Variants in OSGEPL1 observed in about 807,000 individuals in gnomAD.
The protein encoded by OSGEPL1 is tRNA N6-adenosine threonylcarbamoyltransferase, mitochondrial.
OSGEPL1 carries 26 observed loss-of-function variants against 37.2 expected under a neutral mutation model. The observed-to-expected ratio is 0.70, with a 90% CI of 0.51 to 0.97. The LOEUF (loss-of-function observed/expected upper bound fraction) is 0.97. OSGEPL1 is among the 50% of genes least tolerant of loss of function. The pLI, the probability that OSGEPL1 is intolerant of heterozygous loss-of-function variation, is 0.00. For synonymous variants in OSGEPL1, 140 were observed against 159.9 expected (o/e 0.88, Z 0.94); for missense variants, 404 against 487.0 (o/e 0.83, Z 1.60).
At chr2:189,759,721 A>G (rs1011813465) in intron 2 of OSGEPL1, among the ~76,000 whole-genome samples, 2 of 151,878 alleles carry the variant, frequency 1.3e-5, no homozygotes, top group African/African-American at 2.4e-5. Context: ...TTAAAGGTAT[A>G]CTCATCTGTA....
intron 7 of OSGEPL1, 68 bp downstream of exon 7, chr2:189,752,584 TA>T: frequency 6.5e-7 from 1 of 1,526,956 alleles, no homozygotes; most frequent in Non-Finnish European, 9.0e-7. Context: ...ACCTCATATA[TA>T]AAGGCAAAAT....
chr2:189,762,413 A>T, intron 1 of OSGEPL1: 1 of 202,516 alleles, frequency 4.9e-6, no homozygotes, highest in Non-Finnish European at 8.8e-6. Context: ...CAGGGATTAG[A>T]GATGAGCGAC....
intron 2 of OSGEPL1, among the ~76,000 whole-genome samples, chr2:189,759,165 G>C (rs1278903907): frequency 1.3e-5 from 2 of 151,920 alleles, no homozygotes; most frequent in African/African-American, 4.8e-5. Context: ...CTTTCACATA[G>C]TTATTGTTTG....
In OSGEPL1 at chr2:189,746,789, G is replaced by C. The variant is rs2044221364; in HGVS notation, c.*408C>G. 4 of 787,684 alleles carry C rather than the reference G, an allele frequency of 5.1e-6. No homozygotes were observed. The Admixed American group carries it at 1.5e-4, about 29-fold the overall frequency. 48.8% of individuals were successfully genotyped at this position (787,684 alleles called of 1,614,324 possible). On this transcript the variant is annotated 3_prime_UTR_variant, in exon 9 of 9. Coordinates refer to ENST00000264151, the MANE Select transcript of OSGEPL1 (RefSeq NM_022353.3). ...TCCTTAGCATGTCTACAGGAATTTA[G>C]TGTCAGGTCAGAGTTATGGTTTCAA...
chr2:189,758,196 A>G (rs191944740), intron 2 of OSGEPL1, among the ~76,000 whole-genome samples: 12 of 152,290 alleles, frequency 7.9e-5, no homozygotes, highest in Non-Finnish European at 1.8e-4. Context: ...AGCCTGACCA[A>G]CATGGAGAAA....
intron 7 of OSGEPL1, among the ~76,000 whole-genome samples, chr2:189,750,906 G>A: frequency 6.6e-6 from 1 of 152,166 alleles, no homozygotes; most frequent in Non-Finnish European, 1.5e-5. Context: ...CTCAAATACT[G>A]TAAATAAGTT....
chr2:189,760,645 G>C (rs1297589773), intron 2 of OSGEPL1, among the ~76,000 whole-genome samples: 1 of 151,968 alleles, frequency 6.6e-6, no homozygotes, highest in African/African-American at 2.4e-5. Context: ...CAAAAAATCA[G>C]CTGGGCGTGG....
At chr2:189,749,017 C>T (rs1216553221) in intron 8 of OSGEPL1, among the ~76,000 whole-genome samples, 1 of 151,864 alleles carries the variant, frequency 6.6e-6, no homozygotes, top group Non-Finnish European at 1.5e-5. Flanking sequence ...GAGGCCAAGG[C>T]GGGTGGATCA....
chr2:189,748,996 C>T (rs2044623319), intron 8 of OSGEPL1, among the ~76,000 whole-genome samples: 1 of 152,046 alleles, frequency 6.6e-6, no homozygotes, highest in Admixed American at 6.6e-5. Context: ...CCTGTAATCC[C>T]AGCACTTTGG....
intron 1 of OSGEPL1, 87 bp from the exon 2 acceptor site, chr2:189,761,747 G>GA: frequency 7.3e-7 from 1 of 1,368,112 alleles, no homozygotes; most frequent in Non-Finnish European, 9.5e-7. Context: ...AGAATTACAG[G>GA]AAAGTTTGTA....
chr2:189,758,408 C>T (rs2046415389), intron 2 of OSGEPL1, among the ~76,000 whole-genome samples: 1 of 151,736 alleles, frequency 6.6e-6, no homozygotes, highest in Admixed American at 6.6e-5. Flanking sequence ...TGTGTAGCAC[C>T]TCACCCCCCC....
At chr2:189,757,400 T>A (rs2046238005) in intron 2 of OSGEPL1, among the ~76,000 whole-genome samples, 1 of 152,236 alleles carries the variant, frequency 6.6e-6, no homozygotes, top group African/African-American at 2.4e-5. Context: ...TTCACAATGA[T>A]CTGCTTACTG....
chr2:189,754,401 G>T (rs2045753393), intron 3 of OSGEPL1, 56 bp from the exon 4 acceptor site: 1 of 1,439,692 alleles, frequency 6.9e-7, no homozygotes, highest in African/African-American at 1.4e-5. Flanking sequence ...GAAACGAAAA[G>T]ATGCAAAGGA....
chr2:189,755,892 T>C (rs538730876), intron 2 of OSGEPL1, among the ~76,000 whole-genome samples: 2 of 152,312 alleles, frequency 1.3e-5, no homozygotes, highest in African/African-American at 4.8e-5. Context: ...TTAAGGAAAA[T>C]TAATTTCCTT....
intron 2 of OSGEPL1, among the ~76,000 whole-genome samples, chr2:189,756,947 C>T (rs1480107156): frequency 1.3e-5 from 2 of 152,212 alleles, no homozygotes; most frequent in African/African-American, 4.8e-5. Context: ...TCATTTCTTC[C>T]TTCTCTGTCT....
chr2:189,755,596 G>C (rs2045956999), intron 2 of OSGEPL1, 36 bp from the exon 3 acceptor site: 6 of 1,565,554 alleles, frequency 3.8e-6, no homozygotes, highest in Non-Finnish European at 5.1e-6. Context: ...GTAGTTTTAA[G>C]ATTGTAAAAA....
At chr2:189,754,915 C>CA (rs554261917) in intron 3 of OSGEPL1, 11 of 434,446 alleles carry the variant, frequency 2.5e-5, no homozygotes, top group African/African-American at 1.5e-4. Flanking sequence ...CATTATTTGG[C>CA]AAAATACATA....
At chr2:189,752,559 A>G (rs2045436603) in intron 7 of OSGEPL1, 94 bp downstream of exon 7, 2 of 1,171,850 alleles carry the variant, frequency 1.7e-6, no homozygotes, top group Admixed American at 3.9e-5. Context: ...AAGTACCACC[A>G]GAATGTCAAT....
chr2:189,761,419 C>T lies in OSGEPL1; in HGVS notation c.221+1G>A. ...AAATGACTAAGATAATGTCTACTTA[C>T]TTTAAATGAACTTCAGTTTGGGAAT... is the stretch of plus-strand genomic sequence containing the variant. On this transcript the variant is annotated splice_donor_variant, in intron 2 of 8. Transcript: ENST00000264151. LOFTEE classifies it high-confidence loss of function. The T allele has an allele frequency of 6.3e-7, 1 of 1,595,960 alleles. No homozygotes were observed. Among genetic ancestry groups the T allele is most frequent in the Non-Finnish European group, 8.5e-7 (1 of 1,174,926 alleles).
Sources: gnomAD v4.1 joint callset for allele counts (sites outside exome capture counted in the v4.1 genomes callset) on GRCh38, gnomAD v4.1.1 for gene constraint, MANE v1.5 for transcripts, NCBI Gene and HGNC (gene_info 2026-07-23, HGNC 2026-07-21) for gene names.